The following FAM76A variants were observed in gnomAD, a reference collection of about 807,000 sequenced individuals.
FAM76A encodes protein FAM76A.
FAM76A carries 32 observed loss-of-function variants against 46.2 expected under a neutral mutation model. That is an observed-to-expected ratio of 0.69 (90% confidence interval 0.52 to 0.93). FAM76A has a LOEUF of 0.93. Among genes scored for constraint, FAM76A ranks in the 40% least tolerant of loss-of-function variants. FAM76A has a pLI of 0.00. For missense variants in FAM76A, 274 were observed against 361.5 expected, an observed-to-expected ratio of 0.76 and a Z score of 1.96; for synonymous variants, 137 against 127.0, an observed-to-expected ratio of 1.08 and a Z score of -0.53.
At chr1:27,750,411 T>A (rs2088312745) in intron 6 of FAM76A, among the ~76,000 whole-genome samples, 1 of 152,198 alleles carries the variant, frequency 6.6e-6, no homozygotes, top group African/African-American at 2.4e-5. Context: ...GCTTTACTGT[T>A]CTCTCATAAG....
intron 8 of FAM76A, chr1:27,759,892 C>T (rs1571503993): frequency 1.9e-6 from 1 of 535,014 alleles, no homozygotes; most frequent in East Asian, 4.6e-5. Flanking sequence ...CTCACCCTTC[C>T]AAGTAGCGAA....
At chr1:27,746,791 G>A (rs1039379253) in intron 5 of FAM76A, among the ~76,000 whole-genome samples, 6 of 152,064 alleles carry the variant, frequency 3.9e-5, no homozygotes, top group Admixed American at 3.9e-4. Context: ...TGCAGATTCC[G>A]GCCAGATACA....
At chr1:27,743,915 T>G (rs1039642646) in intron 4 of FAM76A, among the ~76,000 whole-genome samples, 3 of 151,830 alleles carry the variant, frequency 2.0e-5, no homozygotes, top group African/African-American at 7.3e-5. Context: ...CATTCTAGTC[T>G]GGGTGAGTGA....
chr1:27,738,542 G>A (rs748212964), intron 4 of FAM76A, among the ~76,000 whole-genome samples: 2 of 151,758 alleles, frequency 1.3e-5, no homozygotes, highest in Non-Finnish European at 2.9e-5. Flanking sequence ...TCCCATAACC[G>A]TGAAATGAAC....
intron 4 of FAM76A, among the ~76,000 whole-genome samples, chr1:27,737,907 TAGCC>T (rs1047823979): frequency 2.2e-5 from 3 of 136,938 alleles, no homozygotes; most frequent in African/African-American, 8.0e-5. Context: ...AAAAAAAAAT[TAGCC>T]AGGCGTGGTG....
chr1:27,742,217 C>T (rs1464261616), intron 4 of FAM76A, among the ~76,000 whole-genome samples: 2 of 152,148 alleles, frequency 1.3e-5, no homozygotes, highest in Non-Finnish European at 2.9e-5. Context: ...TGTAAAATTC[C>T]ATAATGTATC....
rs764133594 is a variant in FAM76A, at chr1:27,734,222, A to G, written c.354+39A>G. The G allele has an allele frequency of 3.2e-6, 5 of 1,558,668 alleles. No individual in the cohort carries two copies. In the South Asian group the frequency reaches 6.0e-5, roughly 19 times the overall value. On this transcript the variant is annotated intron_variant, in intron 4 of 8. Coordinates refer to ENST00000373954, the MANE Select transcript of FAM76A (RefSeq NM_152660.3). ...TTTCTTGATTTCTTTTTTTCCTTTC[A>G]GAGAAATTAAGGTGGACTAACTGTG...
intron 6 of FAM76A, among the ~76,000 whole-genome samples, chr1:27,750,599 C>A (rs1036253009): frequency 1.3e-5 from 2 of 152,204 alleles, no homozygotes; most frequent in African/African-American, 2.4e-5. Flanking sequence ...CATTTATGAT[C>A]CAGGCTGTGT....
In FAM76A at chr1:27,749,156, T is replaced by C; in HGVS notation, c.599+2T>C. 6.3e-7 allele frequency: 1 copy of C among 1,592,856 alleles called. No homozygotes were observed. Among genetic ancestry groups the C allele is most frequent in the Non-Finnish European group, 8.5e-7 (1 of 1,171,428 alleles). ...GTCAATCACAACTAATGGAGACAGGTGAGCCAGTTGGAGTATGTGTGCGCA... is the reference window on the plus strand; with the variant it reads ...GTCAATCACAACTAATGGAGACAGGCGAGCCAGTTGGAGTATGTGTGCGCA... On this transcript the variant is annotated splice_donor_variant, in intron 6 of 8. Transcript: ENST00000373954. LOFTEE classifies it high-confidence loss of function.
At chr1:27,726,909 C>G (rs773927411) in intron 1 of FAM76A, among the ~76,000 whole-genome samples, 1 of 152,252 alleles carries the variant, frequency 6.6e-6, no homozygotes, top group East Asian at 1.9e-4. Flanking sequence ...ACCAAACTGG[C>G]TGAAGAATAA....
intron 4 of FAM76A, chr1:27,740,465 G>A (rs561373138): frequency 6.8e-6 from 10 of 1,468,940 alleles, no homozygotes; most frequent in Middle Eastern, 1.8e-4. Flanking sequence ...ATAAGAGGTC[G>A]ATGGTGGAGT....
intron 4 of FAM76A, among the ~76,000 whole-genome samples, chr1:27,734,695 A>G (rs1010527679): frequency 9.9e-5 from 15 of 152,198 alleles, no homozygotes; most frequent in Non-Finnish European, 1.8e-4. Flanking sequence ...TTTCACGAGA[A>G]TTGAATTACA....
At chr1:27,750,054 C>T (rs994626561) in intron 6 of FAM76A, among the ~76,000 whole-genome samples, 1 of 152,098 alleles carries the variant, frequency 6.6e-6, no homozygotes, top group Non-Finnish European at 1.5e-5. Flanking sequence ...TTTTCTGTTC[C>T]TCCAGGCCTG....
intron 2 of FAM76A, among the ~76,000 whole-genome samples, chr1:27,729,296 T>C (rs1226588793): frequency 6.6e-6 from 1 of 151,642 alleles, no homozygotes; most frequent in African/African-American, 2.4e-5. Flanking sequence ...CAACCTCCCC[T>C]CTCCGGGCTC....
intron 5 of FAM76A, among the ~76,000 whole-genome samples, chr1:27,745,702 A>G (rs1360172109): frequency 6.6e-6 from 1 of 152,228 alleles, no homozygotes. Context: ...TTGAGAAGTC[A>G]GGCAAGCAGG....
chr1:27,742,596 G>A (rs1470257573), intron 4 of FAM76A, among the ~76,000 whole-genome samples: 2 of 152,064 alleles, frequency 1.3e-5, no homozygotes, highest in Non-Finnish European at 2.9e-5. Context: ...GGTATAGGAG[G>A]GTGGGTTTGG....
At chr1:27,752,793 G>A (rs2088351953) in intron 6 of FAM76A, among the ~76,000 whole-genome samples, 1 of 152,220 alleles carries the variant, frequency 6.6e-6, no homozygotes, top group African/African-American at 2.4e-5. Flanking sequence ...TTAGGAAAGA[G>A]ACTGGTTTTT....
intron 6 of FAM76A, among the ~76,000 whole-genome samples, chr1:27,752,898 G>A (rs1205063150): frequency 1.3e-5 from 2 of 152,134 alleles, no homozygotes; most frequent in East Asian, 1.9e-4. Flanking sequence ...GGTGGCTCAC[G>A]CCTGTAATCC....
chr1:27,746,404 G>A (rs998262943), intron 5 of FAM76A, among the ~76,000 whole-genome samples: 2 of 152,116 alleles, frequency 1.3e-5, no homozygotes, highest in Admixed American at 1.3e-4. Flanking sequence ...TTAGAAGAGA[G>A]GTTTGGACAT....
Sources: gnomAD v4.1 joint callset for allele counts (sites outside exome capture counted in the v4.1 genomes callset) on GRCh38, gnomAD v4.1.1 for gene constraint, MANE v1.5 for transcripts, NCBI Gene and HGNC (gene_info 2026-07-23, HGNC 2026-07-21) for gene names.